TMEM117: variants seen among roughly 807,000 people sequenced by gnomAD.
TMEM117 encodes the protein transmembrane protein 117.
Under a neutral mutation model 52.4 loss-of-function variants are expected in TMEM117, and 27 were observed. That is an observed-to-expected ratio of 0.51 (90% CI 0.38 to 0.71). The LOEUF (loss-of-function observed/expected upper bound fraction) is 0.71, where lower values mean the gene tolerates loss of function less well. Among genes scored for constraint, TMEM117 ranks in the 30% least tolerant of loss-of-function variants. The pLI, the probability that TMEM117 is intolerant of heterozygous loss-of-function variation, is 0.00. For synonymous variants in TMEM117, 215 were observed against 206.3 expected (o/e 1.04, Z -0.36); for missense variants, 556 against 630.5 (o/e 0.88, Z 1.26).
intron 3 of TMEM117, among the ~76,000 whole-genome samples, chr12:44,019,374 G>A (rs1319577150): frequency 2.0e-5 from 3 of 152,178 alleles, no homozygotes; most frequent in East Asian, 3.9e-4. Flanking sequence ...CTCACTTACA[G>A]CAGCCCTGAC....
At chr12:44,297,562 G>A (rs1370082212) in intron 5 of TMEM117, among the ~76,000 whole-genome samples, 2 of 152,164 alleles carry the variant, frequency 1.3e-5, no homozygotes, top group Admixed American at 6.5e-5. Context: ...AGCCATATGA[G>A]TGCATTCCTG....
At chr12:44,287,969 A>G (rs1950657729) in intron 5 of TMEM117, among the ~76,000 whole-genome samples, 1 of 152,172 alleles carries the variant, frequency 6.6e-6, no homozygotes, top group Non-Finnish European at 1.5e-5. Flanking sequence ...TAAGTGCCAT[A>G]TGTCTGAAAT....
intron 6 of TMEM117, among the ~76,000 whole-genome samples, chr12:44,302,651 C>T (rs1167582446): frequency 1.3e-5 from 2 of 152,092 alleles, no homozygotes; most frequent in African/African-American, 4.8e-5. Context: ...AGGAGTAGGC[C>T]CAGAGTAATA....
chr12:43,930,954 A>C (rs1056288627), intron 2 of TMEM117, among the ~76,000 whole-genome samples: 3 of 152,186 alleles, frequency 2.0e-5, no homozygotes, highest in African/African-American at 4.8e-5. Flanking sequence ...CAGCTATTTC[A>C]TATGTCAGAG....
At chr12:43,896,720 C>A (rs975430484) in intron 2 of TMEM117, among the ~76,000 whole-genome samples, 12 of 152,122 alleles carry the variant, frequency 7.9e-5, no homozygotes, top group African/African-American at 2.9e-4. Context: ...ATGGTTATAG[C>A]ATGTGACTCC....
At chr12:44,207,375 C>A (rs984968573) in intron 4 of TMEM117, among the ~76,000 whole-genome samples, 1 of 152,060 alleles carries the variant, frequency 6.6e-6, no homozygotes, top group African/African-American at 2.4e-5. Context: ...TGTAATCAGG[C>A]TAAGAAGATA....
intron 6 of TMEM117, among the ~76,000 whole-genome samples, chr12:44,350,338 A>G (rs962725418): frequency 1.6e-4 from 24 of 152,012 alleles, no homozygotes; most frequent in African/African-American, 5.8e-4. Context: ...CATAATAATC[A>G]TATCATGGAA....
chr12:44,238,319 T>C (rs1433060013), intron 5 of TMEM117, among the ~76,000 whole-genome samples: 1 of 152,140 alleles, frequency 6.6e-6, no homozygotes. Context: ...TTTTTGTATG[T>C]TAAATGTTGG....
At chr12:43,866,841 A>G (rs566630429) in intron 2 of TMEM117, among the ~76,000 whole-genome samples, 1 of 152,234 alleles carries the variant, frequency 6.6e-6, no homozygotes, top group Non-Finnish European at 1.5e-5. Flanking sequence ...CTGTAATCCC[A>G]ACACTTTGGG....
At chr12:44,012,070 TG>T (rs1382808311) in intron 3 of TMEM117, among the ~76,000 whole-genome samples, 1 of 152,210 alleles carries the variant, frequency 6.6e-6, no homozygotes, top group East Asian at 1.9e-4. Flanking sequence ...ACTGAAATCG[TG>T]GAAAGCAAAA....
intron 6 of TMEM117, among the ~76,000 whole-genome samples, chr12:44,345,610 T>G (rs1798020): frequency 0.052 from 7,887 of 152,196 alleles, 674 homozygotes; most frequent in African/African-American, 0.17. Context: ...GCATTATAGG[T>G]GTTATTCAAA....
At chr12:44,086,927 G>T (rs1947577770) in intron 3 of TMEM117, among the ~76,000 whole-genome samples, 1 of 144,474 alleles carries the variant, frequency 6.9e-6, no homozygotes, top group South Asian at 2.1e-4. Flanking sequence ...ACATTATTAT[G>T]ACTTTATAAT....
chr12:44,344,528 G>T (rs184700518), intron 6 of TMEM117, among the ~76,000 whole-genome samples: 1 of 152,016 alleles, frequency 6.6e-6, no homozygotes, highest in Admixed American at 6.6e-5. Context: ...AGGTGGTCAC[G>T]CAAGGAGGTG....
At chr12:44,029,659 G>A (rs964593171) in intron 3 of TMEM117, among the ~76,000 whole-genome samples, 20 of 152,116 alleles carry the variant, frequency 1.3e-4, no homozygotes, top group African/African-American at 4.8e-4. Flanking sequence ...AAAAATCATT[G>A]TTTATTAAAG....
intron 3 of TMEM117, among the ~76,000 whole-genome samples, chr12:44,024,688 G>A (rs1413590732): frequency 1.2e-4 from 18 of 151,996 alleles, no homozygotes; most frequent in Non-Finnish European, 4.4e-5. Flanking sequence ...TGGAAGGATT[G>A]TGGTGATTGA....
intron 3 of TMEM117, among the ~76,000 whole-genome samples, chr12:44,129,039 G>A (rs1734584786): frequency 6.6e-6 from 1 of 152,142 alleles, no homozygotes; most frequent in Non-Finnish European, 1.5e-5. Flanking sequence ...TACTTCATGT[G>A]TGTCTTACTG....
intron 7 of TMEM117, among the ~76,000 whole-genome samples, chr12:44,378,335 C>T (rs1043994074): frequency 1.3e-5 from 2 of 152,086 alleles, no homozygotes; most frequent in Non-Finnish European, 2.9e-5. Context: ...TTATCATTTA[C>T]ATTGTCATTT....
chr12:43,844,973 T>C (rs746041423), intron 2 of TMEM117, 45 bp downstream of exon 2: 4 of 1,559,180 alleles, frequency 2.6e-6, no homozygotes, highest in Non-Finnish European at 3.5e-6. Context: ...AATTATTTAA[T>C]TTCTATTCTC....
chr12:44,249,325 C>T (rs2138506508), intron 5 of TMEM117, among the ~76,000 whole-genome samples: 1 of 152,162 alleles, frequency 6.6e-6, no homozygotes, highest in African/African-American at 2.4e-5. Context: ...AACTAGAATC[C>T]ATACAACGGG....
Sources: allele counts gnomAD v4.1 joint callset (sites outside exome capture counted in the v4.1 genomes callset), GRCh38; gene constraint gnomAD v4.1.1; transcripts MANE v1.5; gene names NCBI Gene and HGNC (gene_info 2026-07-23, HGNC 2026-07-21).